The following SYNPO variants were observed in gnomAD, a reference collection of about 807,000 sequenced individuals.
SYNPO encodes the protein synaptopodin.
A neutral mutation model predicts 49.5 loss-of-function variants in SYNPO; 19 were observed. That is an observed-to-expected ratio of 0.38 (90% CI 0.27 to 0.56). The LOEUF (loss-of-function observed/expected upper bound fraction) is 0.56. Among genes scored for constraint, SYNPO ranks in the 20% least tolerant of loss-of-function variants. SYNPO has a pLI of 0.68. For missense variants in SYNPO, 1,131 were observed against 1,248.3 expected (o/e 0.91, Z 1.42); for synonymous variants, 536 against 548.0 (o/e 0.98, Z 0.31).
intron 2 of SYNPO, chr5:150,651,666 G>T: frequency 7.0e-6 from 7 of 1,001,146 alleles, no homozygotes; most frequent in Non-Finnish European, 8.4e-6. Flanking sequence ...TGGGGCAGGT[G>T]CATAGCAGTG....
chr5:150,628,801 A>G (rs1757446623), intron 2 of SYNPO, among the ~76,000 whole-genome samples: 1 of 152,200 alleles, frequency 6.6e-6, no homozygotes, highest in African/African-American at 2.4e-5. Flanking sequence ...TCAGCTCCTC[A>G]GAAGGCTGAG....
Position 150,655,644 on chromosome 5 carries a change from A to G in SYNPO, c.2029-760A>G, listed in dbSNP as rs184783204. Among the ~76,000 whole-genome samples, 28 of 152,242 alleles carry G rather than the reference A, an allele frequency of 1.8e-4. No individual in the cohort carries two copies. The East Asian group carries it at 3.1e-3, about 17-fold the overall frequency. ...GTGACCATTTTGGTTAGTTTCATGT[A>G]TATCCTTCTAGTATTTTTTTTAAAT... On this transcript the variant is annotated intron_variant, in intron 2 of 2. Coordinates refer to ENST00000307662, the MANE Select transcript of SYNPO (RefSeq NM_007286.6).
chr5:150,656,947 TC>T lies in SYNPO; in HGVS notation c.2574del (p.Asp859ThrfsTer80). 1 of 1,584,322 alleles carries T rather than the reference TC, an allele frequency of 6.3e-7. No homozygotes were observed. Among genetic ancestry groups the T allele is most frequent in the Non-Finnish European group, 8.6e-7 (1 of 1,166,142 alleles). ...CCTCTACCGCCGCTCGCCCACGGAC[TC>T]CGACGTGTCCCTCGACTCCGAGGAC... Reference protein sequence around the residue: ...PFLYRRSPTDSDVSLDSEDSG... With the variant: ...PFLYRRSPTDXDVSLDSEDSG... On this transcript the variant is annotated frameshift_variant, in exon 3 of 3. Coordinates refer to ENST00000307662, the MANE Select transcript of SYNPO (RefSeq NM_007286.6). LOFTEE classifies it high-confidence loss of function.
At chr5:150,617,003 C>T (rs1035360505) in intron 1 of SYNPO, among the ~76,000 whole-genome samples, 2 of 152,122 alleles carry the variant, frequency 1.3e-5, no homozygotes, top group Admixed American at 6.5e-5. Context: ...ATCCCCAGTA[C>T]TTTTTATGAT....
intron 1 of SYNPO, among the ~76,000 whole-genome samples, chr5:150,613,142 G>A (rs1163120467): frequency 6.7e-6 from 1 of 149,882 alleles, no homozygotes; most frequent in Admixed American, 6.6e-5. Context: ...TTCTCCTCTT[G>A]CTGGGACCTC....
At chr5:150,610,444 C>A (rs1326069988) in intron 1 of SYNPO, among the ~76,000 whole-genome samples, 2 of 152,222 alleles carry the variant, frequency 1.3e-5, no homozygotes, top group East Asian at 3.8e-4. Flanking sequence ...CACAGACTCA[C>A]CCTCTGTGAG....
At chr5:150,607,022 A>C (rs910793622) in intron 1 of SYNPO, among the ~76,000 whole-genome samples, 1 of 148,058 alleles carries the variant, frequency 6.8e-6, no homozygotes, top group African/African-American at 2.5e-5. Context: ...ATTTTATTTC[A>C]TCCTACATTG....
the SYNPO span, among the ~76,000 whole-genome samples, chr5:150,594,700 C>A: frequency 6.6e-6 from 1 of 152,234 alleles, no homozygotes; most frequent in African/African-American, 2.4e-5. Flanking sequence ...GGAGCACTTT[C>A]TTATTTACCA....
At chr5:150,650,346 G>C in intron 2 of SYNPO, 43 bp downstream of exon 2, 1 of 1,612,686 alleles carries the variant, frequency 6.2e-7, no homozygotes, top group Non-Finnish European at 8.5e-7. Flanking sequence ...AACCCCACGG[G>C]GGTCCCACTG....
intron 1 of SYNPO, among the ~76,000 whole-genome samples, chr5:150,616,310 ACT>A (rs918088854): frequency 1.9e-4 from 29 of 152,170 alleles, no homozygotes; most frequent in African/African-American, 6.5e-4. Flanking sequence ...ATGTCCACAG[ACT>A]CTCACAATTT....
chr5:150,590,349 T>G, the SYNPO span, among the ~76,000 whole-genome samples: 2 of 152,174 alleles, frequency 1.3e-5, no homozygotes, highest in Non-Finnish European at 2.9e-5. Flanking sequence ...CCAGCCAAGC[T>G]GAAAAGCCTC....
At chr5:150,641,243 C>T (rs1236669709) in intron 1 of SYNPO, among the ~76,000 whole-genome samples, 1 of 152,202 alleles carries the variant, frequency 6.6e-6, no homozygotes, top group Non-Finnish European at 1.5e-5. Context: ...CAGGCCATTA[C>T]TCAGGCCTCT....
intron 1 of SYNPO, among the ~76,000 whole-genome samples, chr5:150,643,040 C>A (rs1030865893): frequency 6.6e-6 from 1 of 152,200 alleles, no homozygotes; most frequent in African/African-American, 2.4e-5. Flanking sequence ...CATATTCTGA[C>A]ATTTGAGGAT....
chr5:150,616,977 T>C (rs1042254614), intron 1 of SYNPO, among the ~76,000 whole-genome samples: 3 of 152,192 alleles, frequency 2.0e-5, no homozygotes, highest in African/African-American at 7.2e-5. Context: ...TTAAGGCTTC[T>C]TTATCCCTCT....
At chr5:150,627,414 C>T (rs2151382407) in intron 2 of SYNPO, among the ~76,000 whole-genome samples, 1 of 152,316 alleles carries the variant, frequency 6.6e-6, no homozygotes, top group Non-Finnish European at 1.5e-5. Context: ...TGGGTAAATC[C>T]CTTTCTCTCT....
chr5:150,653,908 C>T (rs33412), intron 2 of SYNPO: 54,677 of 152,032 alleles, frequency 0.36, 10,196 homozygotes, highest in Admixed American at 0.43. Flanking sequence ...ATGTCCTGCT[C>T]AGGCTGTTGT....
At chr5:150,609,790 G>GGGT (rs1554107089) in intron 1 of SYNPO, among the ~76,000 whole-genome samples, 1 of 151,640 alleles carries the variant, frequency 6.6e-6, no homozygotes, top group Non-Finnish European at 1.5e-5. Flanking sequence ...ATGTGGCGGG[G>GGGT]GGGGGCAGTG....
At chr5:150,656,268 T>C in intron 2 of SYNPO, 136 bp from the exon 3 acceptor site, 1 of 676,810 alleles carries the variant, frequency 1.5e-6, no homozygotes, top group Non-Finnish European at 2.4e-6. Context: ...TGCGTTTTAT[T>C]GCAGGCACTA....
chr5:150,641,445 C>T (rs549943409), intron 1 of SYNPO, among the ~76,000 whole-genome samples: 4 of 152,238 alleles, frequency 2.6e-5, no homozygotes, highest in Admixed American at 6.5e-5. Context: ...CCCCGCCCCA[C>T]CTGACCCTGG....
Sources: allele counts gnomAD v4.1 joint callset (sites outside exome capture counted in the v4.1 genomes callset), GRCh38; gene constraint gnomAD v4.1.1; transcripts MANE v1.5; gene names NCBI Gene and HGNC (gene_info 2026-07-23, HGNC 2026-07-21).